Variants in CDH2 observed in about 807,000 individuals in gnomAD.
CDH2 encodes the protein cadherin 2, also known as cadherin-2.
CDH2 carries 17 observed loss-of-function variants against 92.0 expected under a neutral mutation model. The observed-to-expected ratio is 0.18, with a 90% CI of 0.13 to 0.28. CDH2 has a LOEUF of 0.28. CDH2 is among the 10% of genes least tolerant of loss of function. The pLI, the probability that CDH2 is intolerant of heterozygous loss-of-function variation, is 1.00. For synonymous variants in CDH2, 419 were observed against 415.9 expected (o/e 1.01, Z -0.09); for missense variants, 862 against 1,133.1 (o/e 0.76, Z 3.44).
At chr18:28,176,582 G>C (rs967465524) in intron 1 of CDH2, among the ~76,000 whole-genome samples, 2 of 152,058 alleles carry the variant, frequency 1.3e-5, no homozygotes, top group Non-Finnish European at 2.9e-5. Context: ...AAAAAAATTG[G>C]AGCAAAGTAC....
At chr18:28,062,792 G>C (rs1251685284) in intron 2 of CDH2, among the ~76,000 whole-genome samples, 1 of 152,144 alleles carries the variant, frequency 6.6e-6, no homozygotes, top group Non-Finnish European at 1.5e-5. Flanking sequence ...TGCCAACATG[G>C]TGAAACCCCT....
rs140106879 is a variant in CDH2 at position 27,990,017 on chromosome 18, CAAAT to C, written c.1598+76_1598+79del. 0.089 allele frequency: 111,863 copies of C among 1,262,464 alleles called. 5,611 individuals are homozygous for C. Among genetic ancestry groups the C allele is most frequent in the Middle Eastern group, 0.11 (565 of 5,044 alleles). The allele number at this position is 1,262,464 out of a possible 1,614,324, so 78.2% of individuals were successfully genotyped here. On this transcript the variant is annotated intron_variant, in intron 10 of 15. Transcript: ENST00000269141. ...TTTGATTGCAATGAAAATTTCTACT[CAAAT>C]AGTGAATTAGATAAATTTTATGCAC...
chr18:28,061,769 C>A (rs771552875), intron 2 of CDH2, among the ~76,000 whole-genome samples: 1 of 152,096 alleles, frequency 6.6e-6, no homozygotes, highest in Non-Finnish European at 1.5e-5. Context: ...TGGCAGAAGG[C>A]GAAGGAATGT....
At chr18:27,967,938 C>A (rs1423596745) in intron 14 of CDH2, among the ~76,000 whole-genome samples, 2 of 152,180 alleles carry the variant, frequency 1.3e-5, no homozygotes, top group East Asian at 3.8e-4. Flanking sequence ...GAATCCCAGG[C>A]AAATACTTCC....
intron 2 of CDH2, among the ~76,000 whole-genome samples, chr18:28,031,304 C>T (rs2013689266): frequency 6.6e-6 from 1 of 151,908 alleles, no homozygotes; most frequent in South Asian, 2.1e-4. Flanking sequence ...GTTCTAACAG[C>T]TCCACTTCCA....
At chr18:27,963,206 C>T in intron 15 of CDH2, 151 bp downstream of exon 15, 1 of 572,380 alleles carries the variant, frequency 1.7e-6, no homozygotes, top group Non-Finnish European at 2.9e-6. Flanking sequence ...TTAATGAAGC[C>T]ACATTTGCTT....
At chr18:28,131,966 T>C (rs1314490838) in intron 2 of CDH2, among the ~76,000 whole-genome samples, 3 of 152,180 alleles carry the variant, frequency 2.0e-5, no homozygotes, top group Non-Finnish European at 2.9e-5. Context: ...CGTCAGGCAT[T>C]GTGCTAGGCA....
At chr18:28,077,981 G>T (rs994452611) in intron 2 of CDH2, among the ~76,000 whole-genome samples, 1 of 149,794 alleles carries the variant, frequency 6.7e-6, no homozygotes, top group Non-Finnish European at 1.5e-5. Context: ...ATACCAAATC[G>T]AATCTGTGGC....
chr18:27,935,981 T>G (rs8086799), intron 6 of CDH2, among the ~76,000 whole-genome samples: 64,981 of 152,052 alleles, frequency 0.43, 14,660 homozygotes, highest in Middle Eastern at 0.57. Context: ...AATTGCTATA[T>G]TATTCTGTTG....
intron 14 of CDH2, among the ~76,000 whole-genome samples, chr18:27,966,108 C>T (rs2011529758): frequency 6.8e-6 from 1 of 146,774 alleles, no homozygotes; most frequent in Non-Finnish European, 1.5e-5. Flanking sequence ...CCAAGCACAA[C>T]AGAGTGGGGT....
chr18:28,144,443 GAACT>G (rs200932509), intron 2 of CDH2, among the ~76,000 whole-genome samples: 265 of 151,988 alleles, frequency 1.7e-3, no homozygotes, highest in African/African-American at 5.8e-3. Context: ...ATATTGAAAA[GAACT>G]AACACACAAG....
At chr18:28,015,865 T>C (rs569555824) in intron 2 of CDH2, among the ~76,000 whole-genome samples, 29 of 152,296 alleles carry the variant, frequency 1.9e-4, no homozygotes, top group African/African-American at 7.0e-4. Context: ...TAGAGTACAA[T>C]GCTCTCTTAA....
intron 6 of CDH2, among the ~76,000 whole-genome samples, chr18:27,943,859 TTTTA>T (rs1439664613): frequency 6.6e-6 from 1 of 152,188 alleles, no homozygotes; most frequent in African/African-American, 2.4e-5. Context: ...TTTGATTTAG[TTTTA>T]TTTATTCCAA....
chr18:28,115,808 G>A (rs1264715013), intron 2 of CDH2, among the ~76,000 whole-genome samples: 2 of 152,038 alleles, frequency 1.3e-5, no homozygotes, highest in African/African-American at 4.8e-5. Context: ...TTCATCTCAT[G>A]CTGTTCTGAA....
In CDH2 at chr18:28,067,736, T is replaced by C. The variant is rs140760842; in HGVS notation, c.173-53827A>G. ...AAAATATTCATCCAATCAAGGCATA[T>C]AAAGCACCATCTCCTCAAAGTAAAA... On this transcript the variant is annotated intron_variant, in intron 2 of 15. Coordinates refer to ENST00000269141, the MANE Select transcript of CDH2 (RefSeq NM_001792.5). Among the ~76,000 whole-genome samples the C allele has an allele frequency of 8.5e-5, 13 of 152,280 alleles. No individual in the cohort carries two copies. In the East Asian group the frequency reaches 2.5e-3, roughly 29 times the overall value.
At chr18:27,959,318 TA>T (rs2011337655) in intron 15 of CDH2, among the ~76,000 whole-genome samples, 1 of 152,202 alleles carries the variant, frequency 6.6e-6, no homozygotes, top group Admixed American at 6.5e-5. Flanking sequence ...ATTCCTTATT[TA>T]AATAAACAAA....
rs373323241 is a variant in CDH2 at position 28,084,590 on chromosome 18, T to TAC, written c.172+63081_172+63082dup. On this transcript the variant is annotated intron_variant, in intron 2 of 15. Coordinates refer to ENST00000269141, the MANE Select transcript of CDH2 (RefSeq NM_001792.5). ...GCAGTGCAAAATAAAAAAAAAAGGA[T>TAC]ACACACACACACACACAGCATAAAA... 6.9e-3 allele frequency among the ~76,000 whole-genome samples: 1,027 copies of TAC among 149,898 alleles called. 6 individuals carry two copies. Among genetic ancestry groups the TAC allele is most frequent in the South Asian group, 0.012 (56 of 4,724 alleles).
chr18:28,098,295 AAAAAT>A (rs2015169971), intron 2 of CDH2, among the ~76,000 whole-genome samples: 1 of 152,164 alleles, frequency 6.6e-6, no homozygotes, highest in Non-Finnish European at 1.5e-5. Context: ...CAATTTTTGA[AAAAAT>A]AAAATAACTG....
intron 2 of CDH2, among the ~76,000 whole-genome samples, chr18:28,047,730 G>A (rs1035003745): frequency 1.3e-5 from 2 of 151,866 alleles, no homozygotes. Context: ...TTAGCCGGGC[G>A]TGGTGGCGGG....
Sources: gnomAD v4.1 joint callset for allele counts (sites outside exome capture counted in the v4.1 genomes callset) on GRCh38, gnomAD v4.1.1 for gene constraint, MANE v1.5 for transcripts, NCBI Gene and HGNC (gene_info 2026-07-23, HGNC 2026-07-21) for gene names.